The following CECR2 variants were observed in gnomAD, a reference collection of about 807,000 sequenced individuals.
The protein encoded by CECR2 is chromatin remodeling regulator CECR2.
CECR2 carries 30 observed loss-of-function variants against 154.5 expected under a neutral mutation model. The ratio of observed to expected loss-of-function variants is 0.19; its 90% CI spans 0.15 to 0.26. CECR2 has a LOEUF of 0.26. CECR2 is among the 10% of genes least tolerant of loss of function. The pLI is 1.00. For synonymous variants in CECR2, 725 were observed against 683.7 expected (o/e 1.06, Z -0.94); for missense variants, 1,743 against 1,829.3 (o/e 0.95, Z 0.86).
intron 2 of CECR2, among the ~76,000 whole-genome samples, chr22:17,491,220 G>A (rs1353527021): frequency 6.6e-6 from 1 of 151,998 alleles, no homozygotes; most frequent in East Asian, 1.9e-4. Flanking sequence ...TTTTCTCTGG[G>A]GTGTACACCT....
chr22:17,461,572 C>T (rs2054938143), intron 1 of CECR2, among the ~76,000 whole-genome samples: 1 of 152,138 alleles, frequency 6.6e-6, no homozygotes, highest in African/African-American at 2.4e-5. Flanking sequence ...TATCAGTAGA[C>T]CAATTTATCC....
At chr22:17,456,705 C>T (rs946167591) in intron 1 of CECR2, among the ~76,000 whole-genome samples, 1 of 152,172 alleles carries the variant, frequency 6.6e-6, no homozygotes, top group Admixed American at 6.5e-5. Context: ...TATATAAGGA[C>T]AACCAGCTTG....
rs762810551 is a variant in CECR2 at position 17,540,836 on chromosome 22, T to C, written c.1884+36T>C. On this transcript the variant is annotated intron_variant, in intron 14 of 18. Transcript: ENST00000262608. ...GAGTGGAGACTGTTGCGGTTTCTCC[T>C]AGTTTGTGAGTTCATAGTAATGTAG... The C allele has an allele frequency of 5.3e-6, 8 of 1,502,060 alleles. No homozygotes were observed. In the East Asian group the frequency reaches 1.4e-4, roughly 26 times the overall value. The allele number at this position is 1,502,060 out of a possible 1,614,324, so 93.0% of individuals were successfully genotyped here.
chr22:17,557,087 T>C lies in CECR2; in HGVS notation c.*4247T>C, dbSNP rs174349. On this transcript the variant is annotated 3_prime_UTR_variant, in exon 19 of 19. Transcript: ENST00000262608. ...CATAGGACACCAAGCCTCACGCACT[T>C]TCCCCTTGGGACAGTAGTGTTTGGG... The C allele has an allele frequency of 0.54, 80,967 of 151,018 alleles. 22,355 individuals are homozygous for C. Among genetic ancestry groups the C allele is most frequent in the East Asian group, 0.62 (3,156 of 5,124 alleles). The allele number at this position is 151,018 out of a possible 1,614,324, so 9.4% of individuals were successfully genotyped here. A position where few individuals can be genotyped will look rare whatever the true frequency, so the allele number is the denominator to read the frequency against.
rs1406349333 is a variant in CECR2 at position 17,409,407 on chromosome 22, AT to A, written c.126+39503del. Among the ~76,000 whole-genome samples, 2 of 110,626 alleles carry A rather than the reference AT, an allele frequency of 1.8e-5. 1 individual carries two copies. The highest frequency in any genetic ancestry group is 6.0e-5 in the African/African-American group (2 of 33,222). 72.6% of individuals were successfully genotyped at this position (110,626 alleles called of 152,430 possible). ...CCCACCACACCCAGCTAATTTTTGT[AT>A]TTTTAGTAGAGATGGGGTTTCACCA... On this transcript the variant is annotated intron_variant, in intron 1 of 18. Transcript: ENST00000262608.
At chr22:17,485,727 G>A (rs1040354865) in intron 2 of CECR2, among the ~76,000 whole-genome samples, 4 of 152,138 alleles carry the variant, frequency 2.6e-5, no homozygotes, top group Admixed American at 6.6e-5. Flanking sequence ...TGGAGATGGT[G>A]CCACTGCACT....
chr22:17,420,259 G>T (rs117705374), intron 1 of CECR2, among the ~76,000 whole-genome samples: 117 of 147,416 alleles, frequency 7.9e-4, no homozygotes, highest in East Asian at 3.5e-3. Flanking sequence ...TTTAGATTGC[G>T]ATGGATTCCA....
chr22:17,367,983 TG>T (rs1170742962), upstream of CECR2, among the ~76,000 whole-genome samples: 10 of 152,170 alleles, frequency 6.6e-5, no homozygotes, highest in Non-Finnish European at 1.5e-4. Flanking sequence ...TTCCAGGGAA[TG>T]AAAGAGCAGA....
At chr22:17,421,013 A>G (rs748446818) in intron 1 of CECR2, among the ~76,000 whole-genome samples, 4 of 152,314 alleles carry the variant, frequency 2.6e-5, no homozygotes, top group Middle Eastern at 3.4e-3. Flanking sequence ...ACTTAGAGAC[A>G]TGTATAAGTA....
chr22:17,365,150 G>A (rs1286921626), upstream of CECR2, among the ~76,000 whole-genome samples: 3 of 151,958 alleles, frequency 2.0e-5, no homozygotes, highest in African/African-American at 7.2e-5. Flanking sequence ...CTTGAACCCA[G>A]GAGGCAGAGG....
At chr22:17,364,364 A>G (rs1036334968) in intron 1 of CECR2, among the ~76,000 whole-genome samples, 2 of 150,300 alleles carry the variant, frequency 1.3e-5, no homozygotes, top group African/African-American at 4.9e-5. Flanking sequence ...AAAAAAAAAG[A>G]ATTTGTGCCA....
chr22:17,491,314 CGT>C (rs2146847785), intron 2 of CECR2, among the ~76,000 whole-genome samples: 1 of 152,134 alleles, frequency 6.6e-6, no homozygotes, highest in Admixed American at 6.5e-5. Context: ...TCCCACCGGC[CGT>C]GTGTGAGGAT....
chr22:17,449,483 C>CTTGTTTT (rs2054732143), intron 1 of CECR2, among the ~76,000 whole-genome samples: 1 of 71,450 alleles, frequency 1.4e-5, no homozygotes, highest in Non-Finnish European at 2.4e-5. Context: ...GTAACCAGTT[C>CTTGTTTT]TTTTTTTTTT....
At chr22:17,381,194 T>C (rs1468435808) in intron 1 of CECR2, among the ~76,000 whole-genome samples, 1 of 152,180 alleles carries the variant, frequency 6.6e-6, no homozygotes, top group East Asian at 1.9e-4. Context: ...TACACTGGCA[T>C]TGATTTGGGT....
intron 1 of CECR2, among the ~76,000 whole-genome samples, chr22:17,443,378 G>A (rs2054612182): frequency 1.3e-5 from 2 of 151,840 alleles, no homozygotes; most frequent in Admixed American, 1.3e-4. Context: ...TATTATCTGT[G>A]GAATTAATCT....
At chr22:17,451,367 G>A (rs2054767228) in intron 1 of CECR2, among the ~76,000 whole-genome samples, 1 of 152,186 alleles carries the variant, frequency 6.6e-6, no homozygotes, top group African/African-American at 2.4e-5. Context: ...ACATTGTGTG[G>A]TGAAGGTAGC....
intron 9 of CECR2, among the ~76,000 whole-genome samples, chr22:17,528,889 G>T (rs1014502264): frequency 6.6e-6 from 1 of 152,106 alleles, no homozygotes. Flanking sequence ...AAATATTGTG[G>T]GATAATAGTG....
intron 1 of CECR2, among the ~76,000 whole-genome samples, chr22:17,418,136 A>C (rs1255944888): frequency 6.6e-6 from 1 of 152,100 alleles, no homozygotes; most frequent in East Asian, 1.9e-4. Context: ...TTCCCCAAGA[A>C]AGTTCTCTCA....
chr22:17,511,921 G>A (rs1199124093), intron 8 of CECR2, 25 bp downstream of exon 8: 1 of 1,550,860 alleles, frequency 6.4e-7, no homozygotes, highest in Non-Finnish European at 8.8e-7. Context: ...GAGTAGCGAG[G>A]AGGAGCTTTC....
Sources: allele counts gnomAD v4.1 joint callset (sites outside exome capture counted in the v4.1 genomes callset), GRCh38; gene constraint gnomAD v4.1.1; transcripts MANE v1.5; gene names NCBI Gene and HGNC (gene_info 2026-07-23, HGNC 2026-07-21).